Variants in DYNC1I1 observed in about 807,000 individuals in gnomAD.
DYNC1I1 encodes cytoplasmic dynein 1 intermediate chain 1.
Under a neutral mutation model 86.6 loss-of-function variants are expected in DYNC1I1, and 43 were observed. That is an observed-to-expected ratio of 0.50 (90% CI 0.39 to 0.64). DYNC1I1 has a LOEUF of 0.64. Among genes scored for constraint, DYNC1I1 ranks in the 30% least tolerant of loss-of-function variants. DYNC1I1 has a pLI of 0.00. For missense variants in DYNC1I1, 604 were observed against 788.8 expected, an observed-to-expected ratio of 0.77 and a Z score of 2.81; for synonymous variants, 262 against 283.7, an observed-to-expected ratio of 0.92 and a Z score of 0.77.
chr7:96,092,406 C>CA (rs1406794705), intron 16 of DYNC1I1, among the ~76,000 whole-genome samples: 1 of 152,076 alleles, frequency 6.6e-6, no homozygotes, highest in African/African-American at 2.4e-5. Flanking sequence ...TTGTTTCACA[C>CA]AAATGAGGAA....
At chr7:95,800,945 C>T (rs976023797) in intron 1 of DYNC1I1, among the ~76,000 whole-genome samples, 1 of 152,176 alleles carries the variant, frequency 6.6e-6, no homozygotes, top group African/African-American at 2.4e-5. Flanking sequence ...GACTAGCAAG[C>T]CCCCCAGGAA....
intron 6 of DYNC1I1, among the ~76,000 whole-genome samples, chr7:95,974,841 G>A (rs1022158732): frequency 4.6e-5 from 7 of 152,174 alleles, no homozygotes; most frequent in African/African-American, 9.7e-5. Flanking sequence ...AATCCATGTT[G>A]AGGCCATGCA....
intron 5 of DYNC1I1, among the ~76,000 whole-genome samples, chr7:95,857,922 C>CT (rs1332400800): frequency 2.0e-5 from 3 of 152,186 alleles, no homozygotes; most frequent in Non-Finnish European, 4.4e-5. Flanking sequence ...CACATCTAGC[C>CT]TTTTCTTTCA....
At chr7:95,874,945 C>T (rs1190311745) in intron 6 of DYNC1I1, among the ~76,000 whole-genome samples, 1 of 152,218 alleles carries the variant, frequency 6.6e-6, no homozygotes, top group African/African-American at 2.4e-5. Flanking sequence ...ACCTGAGCCT[C>T]CTGACTTCCG....
chr7:95,998,262 A>G (rs1044272902), intron 10 of DYNC1I1, among the ~76,000 whole-genome samples: 3 of 152,256 alleles, frequency 2.0e-5, no homozygotes, highest in Non-Finnish European at 2.9e-5. Flanking sequence ...TATCGCATAC[A>G]TCGTGCCATC....
chr7:95,823,802 G>A (rs1795134541), intron 4 of DYNC1I1, among the ~76,000 whole-genome samples: 1 of 151,444 alleles, frequency 6.6e-6, no homozygotes, highest in South Asian at 2.1e-4. Context: ...AAATATAACA[G>A]TCTTATAAGA....
intron 5 of DYNC1I1, 121 bp from the exon 6 acceptor site, chr7:95,869,762 C>T: frequency 1.0e-6 from 1 of 978,236 alleles, no homozygotes; most frequent in Non-Finnish European, 1.6e-6. Context: ...GACCCTGCCC[C>T]TTGCACTCAG....
chr7:95,824,009 T>G (rs1217710760), intron 4 of DYNC1I1, among the ~76,000 whole-genome samples: 6 of 101,730 alleles, frequency 5.9e-5, no homozygotes, highest in Non-Finnish European at 9.7e-5. Flanking sequence ...TTTTTTTTTT[T>G]TGAGGCAGGG....
chr7:95,964,885 G>A (rs1439462481), intron 6 of DYNC1I1, among the ~76,000 whole-genome samples: 1 of 152,130 alleles, frequency 6.6e-6, no homozygotes, highest in Non-Finnish European at 1.5e-5. Context: ...CCAGGTACAG[G>A]GAATACCAAT....
chr7:95,917,961 C>A (rs1791511549), intron 6 of DYNC1I1, among the ~76,000 whole-genome samples: 1 of 152,170 alleles, frequency 6.6e-6, no homozygotes, highest in Non-Finnish European at 1.5e-5. Flanking sequence ...CCTCAGAGGA[C>A]CAAGGGAAAT....
At chr7:95,984,181 G>A (rs1325362256) in intron 7 of DYNC1I1, among the ~76,000 whole-genome samples, 2 of 152,094 alleles carry the variant, frequency 1.3e-5, no homozygotes, top group African/African-American at 4.8e-5. Flanking sequence ...AAAAACAATT[G>A]TGGGTTGTTT....
chr7:95,984,016 C>A (rs1004818408), intron 7 of DYNC1I1, among the ~76,000 whole-genome samples: 4 of 152,084 alleles, frequency 2.6e-5, no homozygotes, highest in Non-Finnish European at 5.9e-5. Context: ...GTAAAACTCT[C>A]AATTGAAGGA....
intron 10 of DYNC1I1, among the ~76,000 whole-genome samples, chr7:96,020,262 A>G (rs1474544555): frequency 4.6e-5 from 7 of 152,230 alleles, no homozygotes; most frequent in African/African-American, 1.7e-4. Context: ...TTTACTAGAG[A>G]AAGAGGTTTA....
At chr7:95,813,838 A>G (rs1794888312) in intron 4 of DYNC1I1, among the ~76,000 whole-genome samples, 1 of 152,144 alleles carries the variant, frequency 6.6e-6, no homozygotes, top group Non-Finnish European at 1.5e-5. Flanking sequence ...TATTATTGGT[A>G]GTAGTAGTAT....
chr7:95,944,510 C>T (rs574129186), intron 6 of DYNC1I1, among the ~76,000 whole-genome samples: 1 of 152,274 alleles, frequency 6.6e-6, no homozygotes, highest in South Asian at 2.1e-4. Flanking sequence ...CTGACCCAGC[C>T]ATCCCATTAC....
At chr7:95,780,434 A>ATTTTT (rs34375387) in intron 1 of DYNC1I1, among the ~76,000 whole-genome samples, 2 of 129,780 alleles carry the variant, frequency 1.5e-5, no homozygotes. Context: ...CACCCGGCTA[A>ATTTTT]TTTTTTTTTT....
In DYNC1I1 at chr7:95,872,163, C is replaced by CCATG. The variant is rs1433726112; in HGVS notation, c.490+2167_490+2170dup. Among the ~76,000 whole-genome samples, 14 of 152,318 alleles carry CCATG rather than the reference C, an allele frequency of 9.2e-5. No homozygotes were observed. The East Asian group carries it at 2.7e-3, about 29-fold the overall frequency. ...GTGGACAGTTGGCACTGAGGTTCTA[C>CCATG]CATGCGGCAGATGTGGGTTGGCTCC... On this transcript the variant is annotated intron_variant, in intron 6 of 16. Coordinates refer to ENST00000447467, the MANE Select transcript of DYNC1I1 (RefSeq NM_001135556.2).
intron 6 of DYNC1I1, among the ~76,000 whole-genome samples, chr7:95,927,778 C>G (rs1480500423): frequency 6.6e-6 from 1 of 152,202 alleles, no homozygotes; most frequent in Non-Finnish European, 1.5e-5. Flanking sequence ...AAATCCAGCT[C>G]TCAGATAAGA....
chr7:95,978,982 G>A (rs906716870), intron 7 of DYNC1I1, among the ~76,000 whole-genome samples: 1 of 152,126 alleles, frequency 6.6e-6, no homozygotes, highest in African/African-American at 2.4e-5. Flanking sequence ...TTGTAGTAGA[G>A]ACGGGGTTTC....
Sources: allele counts gnomAD v4.1 joint callset (sites outside exome capture counted in the v4.1 genomes callset), GRCh38; gene constraint gnomAD v4.1.1; transcripts MANE v1.5; gene names NCBI Gene and HGNC (gene_info 2026-07-23, HGNC 2026-07-21).